CFAP299: variants seen among roughly 807,000 people sequenced by gnomAD.
CFAP299 encodes cilia- and flagella-associated protein 299.
A neutral mutation model predicts 27.0 loss-of-function variants in CFAP299; 21 were observed. The observed-to-expected ratio is 0.78, with a 90% CI of 0.55 to 1.12. The LOEUF is 1.12. CFAP299 is among the 50% of genes most tolerant of loss of function. CFAP299 has a pLI of 0.00. For synonymous variants in CFAP299, 104 were observed against 98.1 expected, an observed-to-expected ratio of 1.06 and a Z score of -0.36; for missense variants, 310 against 276.6, an observed-to-expected ratio of 1.12 and a Z score of -0.86.
At chr4:80,774,802 C>T (rs1726431240) in intron 3 of CFAP299, among the ~76,000 whole-genome samples, 1 of 151,838 alleles carries the variant, frequency 6.6e-6, no homozygotes, top group Non-Finnish European at 1.5e-5. Flanking sequence ...TTATAATATC[C>T]ACAATCTTTG....
intron 1 of CFAP299, among the ~76,000 whole-genome samples, chr4:80,353,911 A>G (rs1435498289): frequency 6.6e-6 from 1 of 152,216 alleles, no homozygotes; most frequent in Non-Finnish European, 1.5e-5. Flanking sequence ...TGAATAAGTA[A>G]AAGTATTTCT....
chr4:80,627,467 A>G (rs1307417071), intron 3 of CFAP299, among the ~76,000 whole-genome samples: 3 of 152,020 alleles, frequency 2.0e-5, no homozygotes, highest in Non-Finnish European at 4.4e-5. Flanking sequence ...TCCATTCAAT[A>G]TAGTATTGGA....
chr4:80,801,009 G>C (rs1020163149), intron 3 of CFAP299, among the ~76,000 whole-genome samples: 2 of 151,392 alleles, frequency 1.3e-5, no homozygotes, highest in Non-Finnish European at 2.9e-5. Context: ...TATACTGGCT[G>C]CCCTGACAGC....
intron 2 of CFAP299, among the ~76,000 whole-genome samples, chr4:80,533,006 G>T (rs1305495545): frequency 2.0e-5 from 3 of 151,950 alleles, no homozygotes; most frequent in Admixed American, 6.5e-5. Context: ...ATAATTTATT[G>T]TTTTTTTGTG....
chr4:80,613,091 C>G (rs1440084512), intron 3 of CFAP299, among the ~76,000 whole-genome samples: 2 of 152,072 alleles, frequency 1.3e-5, no homozygotes, highest in African/African-American at 4.8e-5. Flanking sequence ...AATAAGTAAG[C>G]AAGGCATGGG....
At chr4:80,622,511 C>G (rs1483378622) in intron 3 of CFAP299, among the ~76,000 whole-genome samples, 1 of 152,114 alleles carries the variant, frequency 6.6e-6, no homozygotes, top group East Asian at 1.9e-4. Flanking sequence ...TTTCTATAGG[C>G]ATCTTTTCTA....
chr4:80,730,262 GTGTGTGTGTGTGTGTGTA>G (rs1037139869), intron 3 of CFAP299, among the ~76,000 whole-genome samples: 11 of 149,226 alleles, frequency 7.4e-5, no homozygotes, highest in Non-Finnish European at 1.3e-4. Flanking sequence ...GTGTGTGTGT[GTGTGTGTGTGTGTGTGTA>G]TGTGTGTGTG....
intron 2 of CFAP299, among the ~76,000 whole-genome samples, chr4:80,411,358 T>G (rs1356087667): frequency 6.6e-6 from 1 of 152,188 alleles, no homozygotes. Context: ...CATTACTTCA[T>G]TTAGTTTTAT....
At chr4:80,496,156 G>C (rs1300763474) in intron 2 of CFAP299, among the ~76,000 whole-genome samples, 1 of 152,136 alleles carries the variant, frequency 6.6e-6, no homozygotes, top group Non-Finnish European at 1.5e-5. Context: ...TCCCTAGAAA[G>C]CTGTTTCTTT....
intron 2 of CFAP299, among the ~76,000 whole-genome samples, chr4:80,421,945 A>T (rs1727303535): frequency 6.6e-6 from 1 of 152,090 alleles, no homozygotes; most frequent in Non-Finnish European, 1.5e-5. Flanking sequence ...CGTCAGCAAA[A>T]CTCCATGACA....
intron 4 of CFAP299, among the ~76,000 whole-genome samples, chr4:80,891,781 A>T (rs1295189956): frequency 0.017 from 1,952 of 116,248 alleles, 71 homozygotes; most frequent in African/African-American, 0.062. Context: ...AAAAAATTAA[A>T]AAAAAAATAA....
intron 2 of CFAP299, among the ~76,000 whole-genome samples, chr4:80,448,085 C>T (rs542098265): frequency 2.0e-5 from 3 of 152,318 alleles, no homozygotes; most frequent in African/African-American, 7.2e-5. Flanking sequence ...ACTGTCAATG[C>T]ATTCTCTCTG....
chr4:80,706,385 G>T (rs1721820947), intron 3 of CFAP299, among the ~76,000 whole-genome samples: 1 of 151,656 alleles, frequency 6.6e-6, no homozygotes. Flanking sequence ...TATCCAGCTA[G>T]AATAAACTTC....
In CFAP299 at chr4:80,628,003, T is replaced by C. The variant is rs1004662807; in HGVS notation, c.333+44820T>C. The stretch of plus-strand genomic sequence containing the variant: ...AAACAATTCTAAAATTCATATGGAA[T>C]AACAAAAAATTCCTGAAAAGCCAAA... On this transcript the variant is annotated intron_variant, in intron 3 of 5. Coordinates refer to ENST00000358105, the MANE Select transcript of CFAP299 (RefSeq NM_152770.3). Among the ~76,000 whole-genome samples, 3 of 152,000 alleles carry C rather than the reference T, an allele frequency of 2.0e-5. No homozygotes were observed. In the South Asian group the frequency reaches 6.2e-4, roughly 31 times the overall value.
chr4:80,948,010 C>T (rs1460747328), intron 5 of CFAP299, among the ~76,000 whole-genome samples: 2 of 152,094 alleles, frequency 1.3e-5, no homozygotes, highest in Non-Finnish European at 2.9e-5. Flanking sequence ...AGGTGAACAT[C>T]TCATAACTCC....
chr4:80,912,690 G>C (rs1056913242), intron 4 of CFAP299, among the ~76,000 whole-genome samples: 2 of 152,150 alleles, frequency 1.3e-5, no homozygotes, highest in African/African-American at 4.8e-5. Flanking sequence ...TTCTGTGTCT[G>C]ATATGTCAGA....
intron 4 of CFAP299, among the ~76,000 whole-genome samples, chr4:80,926,829 A>T (rs938991599): frequency 6.6e-6 from 1 of 152,116 alleles, no homozygotes; most frequent in African/African-American, 2.4e-5. Flanking sequence ...TCTCACTTGC[A>T]AATATAAAAC....
chr4:80,558,080 A>T (rs1309995089), intron 2 of CFAP299, among the ~76,000 whole-genome samples: 1 of 152,244 alleles, frequency 6.6e-6, no homozygotes, highest in South Asian at 2.1e-4. Context: ...TGGTCAACAC[A>T]ACTGAATTAG....
At chr4:80,879,178 A>G (rs1733565378) in intron 4 of CFAP299, among the ~76,000 whole-genome samples, 1 of 152,164 alleles carries the variant, frequency 6.6e-6, no homozygotes, top group South Asian at 2.1e-4. Flanking sequence ...GGCATCAGGA[A>G]ATATCAGTTC....
Sources: allele counts gnomAD v4.1 joint callset (sites outside exome capture counted in the v4.1 genomes callset), GRCh38; gene constraint gnomAD v4.1.1; transcripts MANE v1.5; gene names NCBI Gene and HGNC (gene_info 2026-07-23, HGNC 2026-07-21).